FAM81A: variants seen among roughly 807,000 people sequenced by gnomAD.
FAM81A encodes the protein protein FAM81A.
A neutral mutation model predicts 46.7 loss-of-function variants in FAM81A; 19 were observed. That is an observed-to-expected ratio of 0.41 (90% CI 0.28 to 0.60). The LOEUF (loss-of-function observed/expected upper bound fraction) is 0.60, where lower values mean the gene tolerates loss of function less well. Among genes scored for constraint, FAM81A ranks in the 20% least tolerant of loss-of-function variants. The pLI is 0.34. For synonymous variants in FAM81A, 183 were observed against 152.9 expected (o/e 1.20, Z -1.45); for missense variants, 377 against 453.5 (o/e 0.83, Z 1.53).
At chr15:59,521,232 T>A in intron 8 of FAM81A, 22 bp from the exon 9 acceptor site, 1 of 1,596,962 alleles carries the variant, frequency 6.3e-7, no homozygotes, top group South Asian at 1.1e-5. Context: ...TTAACTGTTG[T>A]GAAATTTACC....
At chr15:59,450,869 C>T (rs2081410620) in intron 1 of FAM81A, among the ~76,000 whole-genome samples, 3 of 152,142 alleles carry the variant, frequency 2.0e-5, no homozygotes, top group African/African-American at 7.2e-5. Flanking sequence ...TATTAGAACC[C>T]CAGCTGACTC....
At chr15:59,472,167 T>C (rs8030114) in intron 3 of FAM81A, among the ~76,000 whole-genome samples, 122,108 of 152,044 alleles carry the variant, frequency 0.8, 49,525 homozygotes, top group African/African-American at 0.92. Context: ...ACCCTCCCTT[T>C]CTGGAATTTA....
intron 1 of FAM81A, chr15:59,446,481 A>G (rs2081355615): frequency 6.6e-6 from 1 of 152,254 alleles, no homozygotes. Context: ...TGGCTGGAAG[A>G]GCACTGTCAA....
At chr15:59,422,571 G>T (rs1555426066) in intron 2 of FAM81A, among the ~76,000 whole-genome samples, 2 of 151,864 alleles carry the variant, frequency 1.3e-5, no homozygotes, top group Non-Finnish European at 2.9e-5. Context: ...CCGCCTCCCG[G>T]GTTCATGCCA....
chr15:59,409,447 A>G (rs1057464365), intron 2 of FAM81A, among the ~76,000 whole-genome samples: 5 of 152,172 alleles, frequency 3.3e-5, no homozygotes, highest in Non-Finnish European at 7.4e-5. Context: ...CATGTGGTTC[A>G]TTCCAACCCC....
intron 1 of FAM81A, chr15:59,401,671 T>C: frequency 2.5e-6 from 2 of 811,388 alleles, no homozygotes; most frequent in South Asian, 2.7e-5. Flanking sequence ...CCTTCTCTTT[T>C]CGTTTCTGTT....
intron 3 of FAM81A, among the ~76,000 whole-genome samples, chr15:59,482,946 A>G (rs1159514605): frequency 6.6e-6 from 1 of 152,186 alleles, no homozygotes; most frequent in Non-Finnish European, 1.5e-5. Flanking sequence ...GATTGTAACT[A>G]GTTTGTGTTC....
At chr15:59,425,423 T>C (rs562975091) in intron 2 of FAM81A, among the ~76,000 whole-genome samples, 5 of 152,338 alleles carry the variant, frequency 3.3e-5, no homozygotes, top group South Asian at 2.1e-4. Context: ...ATTTTAATTA[T>C]CTGAGTTATG....
chr15:59,429,524 G>A (rs1156412871), intron 2 of FAM81A, among the ~76,000 whole-genome samples: 2 of 152,098 alleles, frequency 1.3e-5, no homozygotes, highest in African/African-American at 2.4e-5. Context: ...TATCTCCTGT[G>A]GAAGTGTTCC....
chr15:59,496,637 A>C (rs1158654810), intron 4 of FAM81A, among the ~76,000 whole-genome samples: 1 of 152,066 alleles, frequency 6.6e-6, no homozygotes, highest in African/African-American at 2.4e-5. Flanking sequence ...CTTGGCAAAT[A>C]GGTGTATAGA....
At chr15:59,502,338 C>A (rs1015670451) in intron 4 of FAM81A, among the ~76,000 whole-genome samples, 11 of 151,504 alleles carry the variant, frequency 7.3e-5, no homozygotes, top group Admixed American at 1.3e-4. Flanking sequence ...CCCGCTCCCC[C>A]CCCAACAACA....
At chr15:59,431,038 C>G (rs1020301913) in intron 2 of FAM81A, among the ~76,000 whole-genome samples, 7 of 151,976 alleles carry the variant, frequency 4.6e-5, no homozygotes, top group South Asian at 2.1e-4. Context: ...TTATTCTAAG[C>G]TCTTTATATG....
intron 3 of FAM81A, among the ~76,000 whole-genome samples, chr15:59,470,960 C>CTACA (rs1278464858): frequency 1.8e-4 from 28 of 151,998 alleles, no homozygotes; most frequent in Admixed American, 3.9e-4. Flanking sequence ...GTAGCTGGAA[C>CTACA]TACAGGTGCA....
intron 3 of FAM81A, among the ~76,000 whole-genome samples, chr15:59,479,765 G>C (rs542280293): frequency 6.6e-6 from 1 of 152,064 alleles, no homozygotes; most frequent in Non-Finnish European, 1.5e-5. Context: ...AGGGCAGCCC[G>C]TGAGACTTGA....
At chr15:59,416,397 C>T (rs2081146836) in intron 2 of FAM81A, among the ~76,000 whole-genome samples, 1 of 152,188 alleles carries the variant, frequency 6.6e-6, no homozygotes, top group African/African-American at 2.4e-5. Flanking sequence ...AAGAGTCAAC[C>T]CTGAGAAAGT....
At chr15:59,492,217 G>A (rs555733108) in intron 3 of FAM81A, 54 bp from the exon 4 acceptor site, 3 of 1,350,198 alleles carry the variant, frequency 2.2e-6, no homozygotes, top group Admixed American at 4.0e-5. Context: ...AAATGCTTTT[G>A]TGGAAGCACG....
rs2081511381 is a variant in FAM81A at position 59,458,540 on chromosome 15, T to C, written c.-77-10T>C. On this transcript the variant is annotated splice_polypyrimidine_tract_variant and intron_variant, in intron 1 of 8. Coordinates refer to ENST00000288228, the MANE Select transcript of FAM81A (RefSeq NM_152450.3). ...ACTGTTAAATAATTTAGTGCTTATTTTTTCAACAGATGTGAATTATTAAAA... is the reference window on the plus strand; with the variant it reads ...ACTGTTAAATAATTTAGTGCTTATTCTTTCAACAGATGTGAATTATTAAAA... The C allele has an allele frequency of 6.2e-7, 1 of 1,600,690 alleles. No homozygotes were observed. The highest frequency in any genetic ancestry group is 8.5e-7 in the Non-Finnish European group (1 of 1,170,856).
chr15:59,405,288 C>T (rs149394962), intron 2 of FAM81A, among the ~76,000 whole-genome samples: 1 of 152,094 alleles, frequency 6.6e-6, no homozygotes, highest in African/African-American at 2.4e-5. Flanking sequence ...ACAGGCCTGC[C>T]AAGAACAGAG....
chr15:59,450,785 T>C (rs1225707480), intron 1 of FAM81A, among the ~76,000 whole-genome samples: 1 of 152,228 alleles, frequency 6.6e-6, no homozygotes, highest in African/African-American at 2.4e-5. Flanking sequence ...TGGAAATCCA[T>C]TTAGACTTAA....
Sources: allele counts gnomAD v4.1 joint callset (sites outside exome capture counted in the v4.1 genomes callset), GRCh38; gene constraint gnomAD v4.1.1; transcripts MANE v1.5; gene names NCBI Gene and HGNC (gene_info 2026-07-23, HGNC 2026-07-21).